The following HS1BP3 variants were observed in gnomAD, a reference collection of about 807,000 sequenced individuals.
HS1BP3 encodes HCLS1 binding protein 3, also known as HCLS1-binding protein 3.
Under a neutral mutation model 33.5 loss-of-function variants are expected in HS1BP3, and 32 were observed. That is an observed-to-expected ratio of 0.95 (90% CI 0.72 to 1.28). The LOEUF is 1.28. Among genes scored for constraint, HS1BP3 ranks in the 50% most tolerant of loss-of-function variants. HS1BP3 has a pLI of 0.00. For synonymous variants in HS1BP3, 187 were observed against 209.2 expected (o/e 0.89, Z 0.92); for missense variants, 486 against 502.3 (o/e 0.97, Z 0.31).
At chr2:20,644,052 A>G (rs1695443455) in intron 2 of HS1BP3, among the ~76,000 whole-genome samples, 2 of 152,196 alleles carry the variant, frequency 1.3e-5, no homozygotes, top group Admixed American at 1.3e-4. Context: ...AGGAGACTCC[A>G]AGCTAGCCCC....
intron 3 of HS1BP3, 129 bp from the exon 4 acceptor site, chr2:20,638,781 C>T (rs574922720): frequency 7.2e-6 from 5 of 695,162 alleles, no homozygotes; most frequent in Middle Eastern, 2.7e-4. Context: ...TGGGACCAAA[C>T]TCGTCCCTCC....
chr2:20,638,562 G>A lies in HS1BP3; in HGVS notation c.497C>T (p.Ala166Val). The change falls in exon 4 of 7, where the codon GCT (alanine) becomes GTT (valine). Residue 166 changes from alanine (A) to valine (V), a missense_variant. Ala to Val is a moderately conservative substitution (Grantham distance 64). Transcript: ENST00000304031. ...TDSQTGNDEE[A>V]FDFFEEQDQV... ...GTCTTGCTCCTCAAAAAAGTCGAAA[G>A]CCTCTTCATCATTCCCTGTCTGACT... 1 of 1,614,240 alleles carries A rather than the reference G, an allele frequency of 6.2e-7. No individual in the cohort carries two copies. Among genetic ancestry groups the A allele is most frequent in the Non-Finnish European group, 8.5e-7 (1 of 1,180,048 alleles).
chr2:20,620,609 G>A (rs1056584550), intron 6 of HS1BP3, among the ~76,000 whole-genome samples: 18 of 152,254 alleles, frequency 1.2e-4, no homozygotes, highest in South Asian at 6.2e-4. Flanking sequence ...ACTGGCTTCC[G>A]TTCCTCACCC....
chr2:20,591,712 C>T (rs535290244), downstream of HS1BP3, among the ~76,000 whole-genome samples: 6 of 152,238 alleles, frequency 3.9e-5, no homozygotes, highest in Admixed American at 1.3e-4. Context: ...TGCAGACATG[C>T]GCCACCATGC....
chr2:20,633,008 C>A (rs997037677), intron 4 of HS1BP3, among the ~76,000 whole-genome samples: 1 of 152,240 alleles, frequency 6.6e-6, no homozygotes, highest in Non-Finnish European at 1.5e-5. Flanking sequence ...TAACATTTTA[C>A]AAAGGAACTT....
rs1695462690 is a variant in HS1BP3, at chr2:20,644,704, C to T, written c.198+636G>A. 2.0e-5 allele frequency among the ~76,000 whole-genome samples: 3 copies of T among 152,332 alleles called. No homozygotes were observed. In the East Asian group the frequency reaches 5.8e-4, roughly 29 times the overall value. On this transcript the variant is annotated intron_variant, in intron 2 of 6. Transcript: ENST00000304031. ...TTGGCCATGTATCTGGGCTCCCTGACACCTGTTTTGTTCCTTCCAATCCAA... is the reference window on the plus strand; with the variant it reads ...TTGGCCATGTATCTGGGCTCCCTGATACCTGTTTTGTTCCTTCCAATCCAA...
downstream of HS1BP3, among the ~76,000 whole-genome samples, chr2:20,615,253 A>G (rs1478464183): frequency 1.3e-5 from 2 of 152,244 alleles, no homozygotes; most frequent in African/African-American, 4.8e-5. Context: ...GGGATATCAC[A>G]CAGCCAAGCT....
At chr2:20,648,437 G>T (rs1355105422) in intron 1 of HS1BP3, among the ~76,000 whole-genome samples, 1 of 152,114 alleles carries the variant, frequency 6.6e-6, no homozygotes, top group African/African-American at 2.4e-5. Context: ...TTCTCCTCTG[G>T]TCTGACTTGT....
chr2:20,590,287 T>C (rs534252968), downstream of HS1BP3, among the ~76,000 whole-genome samples: 6 of 152,318 alleles, frequency 3.9e-5, no homozygotes, highest in East Asian at 1.2e-3. Flanking sequence ...CTGAGTCAGC[T>C]GTGAGCTCCA....
chr2:20,593,106 C>T (rs1311028276), intron 3 of HS1BP3, among the ~76,000 whole-genome samples: 1 of 151,670 alleles, frequency 6.6e-6, no homozygotes, highest in Non-Finnish European at 1.5e-5. Context: ...CCCCCCAGCA[C>T]ACCATGTTCC....
intron 5 of HS1BP3, among the ~76,000 whole-genome samples, chr2:20,572,060 T>C (rs750289146): frequency 6.6e-6 from 1 of 152,216 alleles, no homozygotes; most frequent in Non-Finnish European, 1.5e-5. Flanking sequence ...GGGCTGGGAC[T>C]GAGACTGAGG....
At chr2:20,599,166 C>G (rs1694014249) in intron 2 of HS1BP3, among the ~76,000 whole-genome samples, 1 of 152,268 alleles carries the variant, frequency 6.6e-6, no homozygotes, top group African/African-American at 2.4e-5. Flanking sequence ...CCAATCCGGG[C>G]CAGTAGCTGG....
At position 20,587,254 on chromosome 2, in the gene HS1BP3, G is replaced by T. The variant is rs558182770; in HGVS notation, c.303-26739C>A. ...AGTGGTCTTTTTGAAGAATGTTTAT[G>T]CAAAGGAAAAGAAACGAAAGTGAAA... On this transcript the variant is annotated intron_variant, in intron 5 of 5. Transcript: ENST00000446825. Among the ~76,000 whole-genome samples the T allele has an allele frequency of 4.6e-3, 704 of 152,324 alleles. 5 individuals are homozygous for T. Among genetic ancestry groups the T allele is most frequent in the African/African-American group, 0.016 (685 of 41,562 alleles).
chr2:20,563,656 T>C (rs1189513420), intron 5 of HS1BP3, among the ~76,000 whole-genome samples: 1 of 152,096 alleles, frequency 6.6e-6, no homozygotes, highest in Non-Finnish European at 1.5e-5. Flanking sequence ...TGGACTTCGT[T>C]CTGCTTCACA....
intron 2 of HS1BP3, chr2:20,606,590 G>T (rs893596496): frequency 4.1e-6 from 2 of 488,008 alleles, no homozygotes; most frequent in South Asian, 3.1e-5. Flanking sequence ...TTTGCTCACT[G>T]GGTCTTTGTC....
intron 5 of HS1BP3, among the ~76,000 whole-genome samples, chr2:20,580,818 G>A (rs1693515688): frequency 6.6e-6 from 1 of 152,212 alleles, no homozygotes; most frequent in Admixed American, 6.5e-5. Flanking sequence ...TAAACACCCA[G>A]GCAGACAAGT....
In HS1BP3 at chr2:20,641,210, A is replaced by G. The variant is rs774235046; in HGVS notation, c.199-30T>C. 7 of 1,581,468 alleles carry G rather than the reference A, an allele frequency of 4.4e-6. No homozygotes were observed. In the East Asian group the frequency reaches 1.6e-4, roughly 35 times the overall value. ...AATGAGAGGAGCATGTGGTTTCCTG[A>G]GTGAAGAGTGGCAGGCAGTGCTCCT... On this transcript the variant is annotated intron_variant, in intron 2 of 6. Coordinates refer to ENST00000304031, the MANE Select transcript of HS1BP3 (RefSeq NM_022460.4).
intron 5 of HS1BP3, among the ~76,000 whole-genome samples, chr2:20,562,919 C>T (rs1160018539): frequency 2.0e-5 from 3 of 152,174 alleles, no homozygotes; most frequent in East Asian, 1.9e-4. Context: ...TACATGTATC[C>T]TCACTTTCCC....
intron 2 of HS1BP3, among the ~76,000 whole-genome samples, chr2:20,643,214 G>T (rs1443449284): frequency 6.6e-6 from 1 of 152,140 alleles, no homozygotes; most frequent in East Asian, 1.9e-4. Context: ...AGGAGTGGGC[G>T]TCACTGCCTA....
Sources: gnomAD v4.1 joint callset for allele counts (sites outside exome capture counted in the v4.1 genomes callset) on GRCh38, gnomAD v4.1.1 for gene constraint, MANE v1.5 for transcripts, NCBI Gene and HGNC (gene_info 2026-07-23, HGNC 2026-07-21) for gene names.